The following ZNF804B variants were observed in gnomAD, a reference collection of about 807,000 sequenced individuals.
ZNF804B encodes the protein zinc finger 804B.
In ZNF804B, 80 loss-of-function variants were observed where a neutral mutation model predicts 101.4. That is an observed-to-expected ratio of 0.79 (90% CI 0.66 to 0.95). ZNF804B has a LOEUF of 0.95. Ranked by LOEUF, ZNF804B falls within the 40% of genes least tolerant of loss-of-function variation. ZNF804B has a pLI of 0.00. For missense variants in ZNF804B, 1,673 were observed against 1,561.9 expected (o/e 1.07, Z -1.20); for synonymous variants, 622 against 558.8 (o/e 1.11, Z -1.59).
intron 2 of ZNF804B, among the ~76,000 whole-genome samples, chr7:89,231,009 A>G (rs902178205): frequency 1.3e-5 from 2 of 152,086 alleles, no homozygotes; most frequent in African/African-American, 4.8e-5. Context: ...TATGAGATAC[A>G]AGGTGTATAA....
At chr7:88,850,849 A>G (rs929827478) in intron 1 of ZNF804B, among the ~76,000 whole-genome samples, 4 of 152,138 alleles carry the variant, frequency 2.6e-5, no homozygotes, top group African/African-American at 9.6e-5. Context: ...CACAGATTAT[A>G]GAATTAGTAA....
At chr7:88,856,105 T>C (rs1354461741) in intron 1 of ZNF804B, among the ~76,000 whole-genome samples, 2 of 152,160 alleles carry the variant, frequency 1.3e-5, no homozygotes, top group Admixed American at 6.5e-5. Context: ...TTTCATTCCA[T>C]ATGAACTTTA....
chr7:88,957,056 G>A (rs548824187), intron 1 of ZNF804B, among the ~76,000 whole-genome samples: 6 of 151,546 alleles, frequency 4.0e-5, no homozygotes, highest in African/African-American at 1.4e-4. Context: ...CTGAATGAAA[G>A]CTCAATGATT....
chr7:89,231,436 C>A (rs796137072), intron 2 of ZNF804B, among the ~76,000 whole-genome samples: 3 of 152,106 alleles, frequency 2.0e-5, no homozygotes, highest in African/African-American at 7.2e-5. Context: ...GATTCTAAGT[C>A]ATTTGAATTT....
At chr7:89,288,416 C>G (rs1790238987) in intron 2 of ZNF804B, among the ~76,000 whole-genome samples, 1 of 152,022 alleles carries the variant, frequency 6.6e-6, no homozygotes, top group Admixed American at 6.6e-5. Context: ...AGCAACTAAG[C>G]AAACCATCAA....
chr7:88,916,550 C>T (rs536408610), intron 1 of ZNF804B, among the ~76,000 whole-genome samples: 107 of 152,220 alleles, frequency 7.0e-4, no homozygotes, highest in Non-Finnish European at 1.3e-3. Flanking sequence ...ACAATTAAGA[C>T]TTAGACTCTA....
chr7:88,994,738 C>G (rs773491861), intron 1 of ZNF804B, among the ~76,000 whole-genome samples: 6 of 152,036 alleles, frequency 3.9e-5, no homozygotes, highest in Non-Finnish European at 7.4e-5. Flanking sequence ...AGTTTCTCAA[C>G]AACATACATT....
At chr7:88,846,916 A>G (rs896799441) in intron 1 of ZNF804B, among the ~76,000 whole-genome samples, 3 of 137,440 alleles carry the variant, frequency 2.2e-5, no homozygotes, top group South Asian at 2.2e-4. Flanking sequence ...ATATACACAT[A>G]CATATATATA....
At chr7:89,138,213 A>C (rs572869866) in intron 1 of ZNF804B, among the ~76,000 whole-genome samples, 9 of 152,164 alleles carry the variant, frequency 5.9e-5, no homozygotes, top group African/African-American at 1.9e-4. Context: ...GAGCCCCCGC[A>C]CACAGAGTCT....
chr7:89,019,949 G>T (rs1003587489), intron 1 of ZNF804B, among the ~76,000 whole-genome samples: 6 of 149,792 alleles, frequency 4.0e-5, no homozygotes, highest in South Asian at 2.1e-4. Context: ...TATACCCAAG[G>T]ATATTATTAA....
chr7:88,959,358 G>A (rs1159402041), intron 1 of ZNF804B, among the ~76,000 whole-genome samples: 1 of 151,206 alleles, frequency 6.6e-6, no homozygotes, highest in Non-Finnish European at 1.5e-5. Flanking sequence ...ATTGTTTGAG[G>A]GAATGTTTTG....
At position 89,327,467 on chromosome 7, in the gene ZNF804B, T is replaced by C. The variant is rs1454749838; in HGVS notation, c.373T>C (p.Ser125Pro). The change falls in exon 3 of 4, where the codon TCT (serine) becomes CCT (proline). Residue 125 changes from serine to proline, a missense_variant. By Grantham distance (74) the Ser-to-Pro change is moderately conservative. Transcript: ENST00000333190. ...LHQLAELRQQ[S>P]ECVSGNGPAY... ...TCAGCTGGCTGAGTTAAGGCAGCAA[T>C]CTGAATGGTAAGAATTAAAGGTGTC... 1 of 1,609,776 alleles carries C rather than the reference T, an allele frequency of 6.2e-7. No individual in the cohort carries two copies. The highest frequency in any genetic ancestry group is 8.5e-7 in the Non-Finnish European group (1 of 1,178,018).
chr7:89,284,093 G>A (rs34262438), intron 2 of ZNF804B, among the ~76,000 whole-genome samples: 18,564 of 152,070 alleles, frequency 0.12, 1,217 homozygotes, highest in Middle Eastern at 0.26. Flanking sequence ...TCACAGTTGA[G>A]GTAAATGTAA....
At chr7:88,791,530 T>C (rs1242627615) in intron 1 of ZNF804B, among the ~76,000 whole-genome samples, 1 of 152,148 alleles carries the variant, frequency 6.6e-6, no homozygotes, top group Non-Finnish European at 1.5e-5. Flanking sequence ...AATTCTCTTT[T>C]TGGCTTAGTG....
At chr7:88,792,070 T>A (rs1428088552) in intron 1 of ZNF804B, among the ~76,000 whole-genome samples, 1 of 152,064 alleles carries the variant, frequency 6.6e-6, no homozygotes, top group East Asian at 1.9e-4. Flanking sequence ...CACAGCATAG[T>A]GTTTGAATTC....
chr7:88,938,293 T>C (rs1460411427), intron 1 of ZNF804B, among the ~76,000 whole-genome samples: 1 of 152,030 alleles, frequency 6.6e-6, no homozygotes, highest in Non-Finnish European at 1.5e-5. Flanking sequence ...AGAAAATAGA[T>C]GACAAGTGTT....
intron 1 of ZNF804B, among the ~76,000 whole-genome samples, chr7:89,031,440 T>G (rs1788832832): frequency 6.6e-6 from 1 of 151,964 alleles, no homozygotes; most frequent in Non-Finnish European, 1.5e-5. Flanking sequence ...ACAGGGAACA[T>G]TTTTCTCTCA....
chr7:88,996,582 C>G (rs965158086), intron 1 of ZNF804B, among the ~76,000 whole-genome samples: 2 of 152,010 alleles, frequency 1.3e-5, no homozygotes, highest in African/African-American at 4.8e-5. Context: ...GATGATAACT[C>G]TGAATGCAAG....
chr7:88,811,650 G>C lies in ZNF804B; in HGVS notation c.108+51566G>C, dbSNP rs547254717. Among the ~76,000 whole-genome samples the C allele has an allele frequency of 1.2e-3, 188 of 152,210 alleles. 1 individual carries two copies. The highest frequency in any genetic ancestry group is 2.0e-3 in the Non-Finnish European group (133 of 68,000). ...TGGAGTACTATGCAGCTATAAAAAA[G>C]AATGAAATCATGTCATTTACAGGGG... On this transcript the variant is annotated intron_variant, in intron 1 of 3. Coordinates refer to ENST00000333190, the MANE Select transcript of ZNF804B (RefSeq NM_181646.5).
Sources: allele counts gnomAD v4.1 joint callset (sites outside exome capture counted in the v4.1 genomes callset), GRCh38; gene constraint gnomAD v4.1.1; transcripts MANE v1.5; gene names NCBI Gene and HGNC (gene_info 2026-07-23, HGNC 2026-07-21).